The following LSAMP variants were observed in gnomAD, a reference collection of about 807,000 sequenced individuals.
LSAMP encodes limbic system-associated membrane protein.
Under a neutral mutation model 38.6 loss-of-function variants are expected in LSAMP, and 7 were observed. That is an observed-to-expected ratio of 0.18 (90% CI 0.10 to 0.34). The LOEUF (loss-of-function observed/expected upper bound fraction) is 0.34. LSAMP is among the 10% of genes least tolerant of loss of function. The pLI, the probability that LSAMP is intolerant of heterozygous loss-of-function variation, is 1.00. For missense variants in LSAMP, 313 were observed against 420.0 expected, an observed-to-expected ratio of 0.75 and a Z score of 2.23; for synonymous variants, 154 against 166.8, an observed-to-expected ratio of 0.92 and a Z score of 0.59.
chr3:116,212,150 G>A (rs138317238), intron 1 of LSAMP, among the ~76,000 whole-genome samples: 28 of 152,256 alleles, frequency 1.8e-4, no homozygotes, highest in African/African-American at 7.2e-5. Flanking sequence ...TACTACTTCT[G>A]GAAAATAATG....
chr3:115,948,965 T>C (rs1576246899), intron 3 of LSAMP, among the ~76,000 whole-genome samples: 1 of 152,222 alleles, frequency 6.6e-6, no homozygotes, highest in Non-Finnish European at 1.5e-5. Context: ...AAACCCCATC[T>C]CTACAAAAAA....
At position 116,271,602 on chromosome 3, in the gene LSAMP, T is replaced by C. The variant is rs576749425; in HGVS notation, c.155+173275A>G. ...AATAAACAGTTGGGGCCACATGCTT[T>C]AGGAATATTGAGCAAAAACATTCTA... On this transcript the variant is annotated intron_variant, in intron 1 of 6. Coordinates refer to ENST00000490035, the MANE Select transcript of LSAMP (RefSeq NM_002338.5). Among the ~76,000 whole-genome samples, 3 of 152,230 alleles carry C rather than the reference T, an allele frequency of 2.0e-5. No homozygotes were observed. The South Asian group carries it at 6.2e-4, about 32-fold the overall frequency.
chr3:116,091,492 C>T (rs2107433605), intron 1 of LSAMP, among the ~76,000 whole-genome samples: 1 of 152,230 alleles, frequency 6.6e-6, no homozygotes, highest in African/African-American at 2.4e-5. Context: ...GAACTCTTCG[C>T]AATTTATGTT....
intron 3 of LSAMP, among the ~76,000 whole-genome samples, chr3:115,968,844 T>C (rs547492572): frequency 6.6e-6 from 1 of 152,330 alleles, no homozygotes; most frequent in South Asian, 2.1e-4. Flanking sequence ...TGGTCTGCAA[T>C]GGCAAGGCTT....
chr3:116,383,672 T>C (rs1248560852), intron 1 of LSAMP, among the ~76,000 whole-genome samples: 1 of 151,446 alleles, frequency 6.6e-6, no homozygotes, highest in African/African-American at 2.5e-5. Flanking sequence ...AGTATGTAAG[T>C]ACATGTTTAA....
At chr3:116,308,660 A>G (rs1436077612) in intron 1 of LSAMP, among the ~76,000 whole-genome samples, 1 of 152,032 alleles carries the variant, frequency 6.6e-6, no homozygotes, top group Non-Finnish European at 1.5e-5. Flanking sequence ...AACATAATAC[A>G]TGTCCTAACA....
Position 115,810,160 on chromosome 3 carries a change from A to G in LSAMP, c.*157T>C, listed in dbSNP as rs933391005. ...TTTTAAATGTTGTATTTTCTTCTTC[A>G]CTTTCTTATTTCCCCCTTCATGTAT... is the stretch of plus-strand genomic sequence containing the variant. On this transcript the variant is annotated 3_prime_UTR_variant, in exon 7 of 7. Coordinates refer to ENST00000490035, the MANE Select transcript of LSAMP (RefSeq NM_002338.5). The G allele has an allele frequency of 8.1e-5, 48 of 589,986 alleles. No individual in the cohort carries two copies. The highest frequency in any genetic ancestry group is 4.5e-4 in the Middle Eastern group (1 of 2,230). The allele number at this position is 589,986 out of a possible 1,614,324, so 36.5% of individuals were successfully genotyped here. A position where few individuals can be genotyped will look rare whatever the true frequency, so the allele number is the denominator to read the frequency against.
At chr3:116,109,442 G>A (rs962180415) in intron 1 of LSAMP, among the ~76,000 whole-genome samples, 5 of 152,142 alleles carry the variant, frequency 3.3e-5, no homozygotes, top group Non-Finnish European at 5.9e-5. Flanking sequence ...GGACTGAGGC[G>A]ACAGGCGGGA....
chr3:115,916,162 G>C (rs1937246958), intron 3 of LSAMP, among the ~76,000 whole-genome samples: 1 of 152,094 alleles, frequency 6.6e-6, no homozygotes, highest in African/African-American at 2.4e-5. Flanking sequence ...AGGCCACAGA[G>C]AGTGCTTGGC....
At chr3:116,314,584 T>C (rs1475575553) in intron 1 of LSAMP, among the ~76,000 whole-genome samples, 1 of 152,178 alleles carries the variant, frequency 6.6e-6, no homozygotes, top group East Asian at 1.9e-4. Context: ...TTCACAATGG[T>C]GTTTGTGGAA....
At chr3:115,892,989 C>T (rs1028899442) in intron 3 of LSAMP, among the ~76,000 whole-genome samples, 5 of 151,756 alleles carry the variant, frequency 3.3e-5, no homozygotes, top group Admixed American at 3.3e-4. Context: ...TCAGGAAATA[C>T]TTAAATTTCT....
At chr3:116,150,640 G>T (rs549687723) in intron 1 of LSAMP, among the ~76,000 whole-genome samples, 7 of 152,056 alleles carry the variant, frequency 4.6e-5, no homozygotes, top group African/African-American at 1.7e-4. Flanking sequence ...GAAGAGTTTG[G>T]TAAGTGATGC....
intron 3 of LSAMP, among the ~76,000 whole-genome samples, chr3:115,921,919 A>G (rs533169662): frequency 1.3e-5 from 2 of 152,310 alleles, no homozygotes; most frequent in East Asian, 1.9e-4. Flanking sequence ...AAATCTGCTA[A>G]TAATCTTATG....
At chr3:116,155,391 A>AT (rs533884821) in intron 1 of LSAMP, among the ~76,000 whole-genome samples, 39 of 151,214 alleles carry the variant, frequency 2.6e-4, no homozygotes, top group East Asian at 2.6e-3. Context: ...TGCCTGGCTA[A>AT]TTTTTTTTGT....
At chr3:115,994,458 T>C (rs575833368) in intron 3 of LSAMP, among the ~76,000 whole-genome samples, 1 of 152,210 alleles carries the variant, frequency 6.6e-6, no homozygotes, top group Non-Finnish European at 1.5e-5. Context: ...TATTTAATTA[T>C]AAAAAGTCAT....
At chr3:115,857,804 T>G (rs916648442) in intron 3 of LSAMP, among the ~76,000 whole-genome samples, 1 of 152,222 alleles carries the variant, frequency 6.6e-6, no homozygotes, top group Admixed American at 6.5e-5. Flanking sequence ...ATATTAGTTC[T>G]TTTAATATTT....
At chr3:116,385,642 T>TTTA (rs1425940731) in intron 1 of LSAMP, among the ~76,000 whole-genome samples, 1 of 152,146 alleles carries the variant, frequency 6.6e-6, no homozygotes, top group East Asian at 1.9e-4. Flanking sequence ...AGACTCATGA[T>TTTA]TATTAAGAGA....
intron 1 of LSAMP, among the ~76,000 whole-genome samples, chr3:116,413,998 T>A (rs1159137336): frequency 6.6e-6 from 1 of 151,852 alleles, no homozygotes; most frequent in African/African-American, 2.4e-5. Flanking sequence ...AGTTAATCAA[T>A]TCTAAGAAGG....
chr3:115,896,300 G>C (rs929807657), intron 3 of LSAMP, among the ~76,000 whole-genome samples: 4 of 152,084 alleles, frequency 2.6e-5, no homozygotes, highest in Non-Finnish European at 5.9e-5. Flanking sequence ...TACACTAGTA[G>C]CTAAAAATAA....
Sources: gnomAD v4.1 joint callset for allele counts (sites outside exome capture counted in the v4.1 genomes callset) on GRCh38, gnomAD v4.1.1 for gene constraint, MANE v1.5 for transcripts, NCBI Gene and HGNC (gene_info 2026-07-23, HGNC 2026-07-21) for gene names.